Variants in FZD6 observed in about 807,000 individuals in gnomAD.
The protein encoded by FZD6 is frizzled-6.
In FZD6, 49 loss-of-function variants were observed where a neutral mutation model predicts 61.4. The ratio of observed to expected loss-of-function variants is 0.80; its 90% CI spans 0.63 to 1.01. The LOEUF (loss-of-function observed/expected upper bound fraction) is 1.01, where lower values mean the gene tolerates loss of function less well. Ranked by LOEUF, FZD6 falls within the 50% of genes least tolerant of loss-of-function variation. FZD6 has a pLI of 0.00. For synonymous variants in FZD6, 265 were observed against 292.2 expected, an observed-to-expected ratio of 0.91 and a Z score of 0.95; for missense variants, 724 against 848.2, an observed-to-expected ratio of 0.85 and a Z score of 1.82.
chr8:103,311,622 G>T (rs117657575), intron 2 of FZD6, among the ~76,000 whole-genome samples: 4,029 of 148,056 alleles, frequency 0.027, 79 homozygotes, highest in East Asian at 0.11. Context: ...GGAGGCTGCA[G>T]TGAACTATGA....
intron 2 of FZD6, among the ~76,000 whole-genome samples, chr8:103,317,300 C>T (rs904002222): frequency 1.3e-5 from 2 of 152,076 alleles, no homozygotes; most frequent in Non-Finnish European, 2.9e-5. Flanking sequence ...GGAGACATAG[C>T]GGGGAACACG....
At chr8:103,305,934 G>A (rs1814317966) in intron 2 of FZD6, among the ~76,000 whole-genome samples, 1 of 152,188 alleles carries the variant, frequency 6.6e-6, no homozygotes, top group Non-Finnish European at 1.5e-5. Context: ...AATGTGGCAT[G>A]TAAATAATGA....
chr8:103,300,959 G>A (rs1160672484), intron 2 of FZD6, among the ~76,000 whole-genome samples: 1 of 152,130 alleles, frequency 6.6e-6, no homozygotes, highest in Non-Finnish European at 1.5e-5. Context: ...AAAGCTACCT[G>A]TACAGACAGG....
At position 103,313,206 on chromosome 8, in the gene FZD6, A is replaced by G. The variant is rs144733672; in HGVS notation, c.178-5384A>G. Among the ~76,000 whole-genome samples the G allele has an allele frequency of 2.4e-4, 36 of 152,362 alleles. No homozygotes were observed. The East Asian group carries it at 6.7e-3, about 29-fold the overall frequency. On this transcript the variant is annotated intron_variant, in intron 2 of 6. Transcript: ENST00000358755. ...AGGTTGTGATAAAGGAAAATGGTAT[A>G]TGAAAAAGCACAGTGCCTGGTTTAT...
At chr8:103,326,547 T>C (rs1009494064) in intron 4 of FZD6, among the ~76,000 whole-genome samples, 3 of 152,002 alleles carry the variant, frequency 2.0e-5, no homozygotes, top group African/African-American at 7.2e-5. Flanking sequence ...TTATTATGTT[T>C]TATGTAAGAA....
chr8:103,322,905 TG>T (rs1186799968), intron 3 of FZD6, among the ~76,000 whole-genome samples: 2 of 152,102 alleles, frequency 1.3e-5, no homozygotes, highest in Non-Finnish European at 2.9e-5. Flanking sequence ...ATTCTTTTAA[TG>T]GGAAAAAATC....
chr8:103,307,659 A>G (rs778472948), intron 2 of FZD6: 9 of 425,830 alleles, frequency 2.1e-5, no homozygotes, highest in Non-Finnish European at 4.1e-5. Flanking sequence ...TTGATTTTAT[A>G]TAGCTCTTAA....
chr8:103,329,013 T>TTTTTTATA (rs143400765), intron 5 of FZD6, among the ~76,000 whole-genome samples: 2 of 115,176 alleles, frequency 1.7e-5, no homozygotes, highest in African/African-American at 5.9e-5. Context: ...CATTTTAGTT[T>TTTTTTATA]TATATATATA....
chr8:103,299,388 C>A (rs746232940), intron 1 of FZD6, among the ~76,000 whole-genome samples: 6 of 152,188 alleles, frequency 3.9e-5, no homozygotes, highest in Non-Finnish European at 5.9e-5. Context: ...ACTTTCCTTT[C>A]GACGGCAGCA....
At chr8:103,308,450 C>G (rs947963419) in intron 2 of FZD6, among the ~76,000 whole-genome samples, 1 of 152,126 alleles carries the variant, frequency 6.6e-6, no homozygotes, top group African/African-American at 2.4e-5. Flanking sequence ...CTGAGACCAT[C>G]TTTCTACTGA....
At chr8:103,317,035 A>G (rs1270138001) in intron 2 of FZD6, among the ~76,000 whole-genome samples, 1 of 152,252 alleles carries the variant, frequency 6.6e-6, no homozygotes, top group Non-Finnish European at 1.5e-5. Context: ...ATAAGGATTT[A>G]AGAGAAATGC....
chr8:103,312,945 A>G (rs1424465055), intron 2 of FZD6, among the ~76,000 whole-genome samples: 2 of 152,176 alleles, frequency 1.3e-5, no homozygotes, highest in Admixed American at 6.5e-5. Flanking sequence ...TCCTCTTGAT[A>G]TATTTTCTTC....
intron 3 of FZD6, among the ~76,000 whole-genome samples, chr8:103,322,345 G>A (rs932674295): frequency 2.7e-5 from 4 of 149,092 alleles, no homozygotes; most frequent in African/African-American, 9.9e-5. Flanking sequence ...GACCAGCCTG[G>A]GTAACATAGT....
chr8:103,321,465 A>T (rs1004194032), intron 3 of FZD6, among the ~76,000 whole-genome samples: 1 of 152,216 alleles, frequency 6.6e-6, no homozygotes, highest in Non-Finnish European at 1.5e-5. Flanking sequence ...TTGAAAACAC[A>T]CACAAAGAAA....
At chr8:103,298,875 C>A, upstream of FZD6, 1 of 155,556 alleles carries the variant, frequency 6.4e-6, no homozygotes, top group South Asian at 1.8e-4. Flanking sequence ...TCTCGCTCCC[C>A]GTGCGGCTCT....
chr8:103,324,988 G>T lies in FZD6; in HGVS notation c.882G>T (p.Met294Ile), dbSNP rs1357610731. The change falls in exon 4 of 7, where the codon ATG becomes ATT. Residue 294 changes from methionine (M) to isoleucine (I), a missense_variant. Physicochemically the swap from Met to Ile is conservative, Grantham distance 10. Transcript: ENST00000358755. ...TCATGCTTTTGTATTTTTTCACAATGGCTGGCACTGTGTGGTGGGTGATTC... is the reference window on the plus strand; with the variant it reads ...TCATGCTTTTGTATTTTTTCACAATTGCTGGCACTGTGTGGTGGGTGATTC... ...VLFMLLYFFT[M>I]AGTVWWVILT... 6.2e-7 allele frequency: 1 copy of T among 1,614,004 alleles called. No homozygotes were observed. The highest frequency in any genetic ancestry group is 2.2e-5 in the East Asian group (1 of 44,890).
At chr8:103,314,677 C>T (rs552545369) in intron 2 of FZD6, among the ~76,000 whole-genome samples, 1 of 152,304 alleles carries the variant, frequency 6.6e-6, no homozygotes, top group Non-Finnish European at 1.5e-5. Flanking sequence ...CTATTGTCCT[C>T]TAATTGTTGG....
At chr8:103,298,554 C>T (rs1814036092), upstream of FZD6, 1 of 152,158 alleles carries the variant, frequency 6.6e-6, no homozygotes, top group Non-Finnish European at 1.5e-5. Context: ...CCAAGAGCTT[C>T]AAAAAATCCT....
rs1814704029 is a variant in FZD6, at chr8:103,318,845, C to T, written c.374+59C>T. The T allele has an allele frequency of 3.2e-6, 3 of 936,638 alleles. No homozygotes were observed. In the South Asian group the frequency reaches 3.9e-5, roughly 12 times the overall value. 58.0% of individuals were successfully genotyped at this position (936,638 alleles called of 1,614,324 possible). ...GTATTTTACTACTGGTACTAGCTCT[C>T]TGGGATGTTAGTGAGAAGCTTTCAT... On this transcript the variant is annotated intron_variant, in intron 3 of 6. Transcript: ENST00000358755.
Sources: allele counts gnomAD v4.1 joint callset (sites outside exome capture counted in the v4.1 genomes callset), GRCh38; gene constraint gnomAD v4.1.1; transcripts MANE v1.5; gene names NCBI Gene and HGNC (gene_info 2026-07-23, HGNC 2026-07-21).